The following L3MBTL1 variants were observed in gnomAD, a reference collection of about 807,000 sequenced individuals.
L3MBTL1 encodes the protein lethal(3)malignant brain tumor-like protein 1.
Under a neutral mutation model 105.3 loss-of-function variants are expected in L3MBTL1, and 75 were observed. The ratio of observed to expected loss-of-function variants is 0.71; its 90% CI spans 0.59 to 0.86. The LOEUF is 0.86. L3MBTL1 is among the 40% of genes least tolerant of loss of function. The pLI, the probability that L3MBTL1 is intolerant of heterozygous loss-of-function variation, is 0.00. For missense variants in L3MBTL1, 1,069 were observed against 1,126.4 expected, an observed-to-expected ratio of 0.95 and a Z score of 0.73; for synonymous variants, 452 against 436.2, an observed-to-expected ratio of 1.04 and a Z score of -0.45.
chr20:43,528,261 T>G (rs80304758), intron 7 of L3MBTL1, among the ~76,000 whole-genome samples: 2,566 of 152,334 alleles, frequency 0.017, 67 homozygotes, highest in African/African-American at 0.059. Context: ...TTTCTCTTTT[T>G]CCTCTCCTTT....
In L3MBTL1 at chr20:43,534,075, C is replaced by T; in HGVS notation, c.1581C>T (p.Pro527=). The part of the protein sequence containing the change: ...YLEETGASAV[P]TWAFKVRPPH... ...AAGAAACTGGGGCCTCTGCTGTCCC[C>T]ACCTGGGCCTTCAAGGTGGTGAGTC... Residue 527 remains proline (P), a synonymous_variant, in exon 14 of 22, where the codon CCC becomes CCT. Coordinates refer to ENST00000418998, the MANE Select transcript of L3MBTL1 (RefSeq NM_001377303.1). 6.2e-7 allele frequency: 1 copy of T among 1,613,968 alleles called. No homozygotes were observed. The highest frequency in any genetic ancestry group is 8.5e-7 in the Non-Finnish European group (1 of 1,179,850).
At chr20:43,515,482 TC>T (rs1276531378) in intron 6 of L3MBTL1, 67 bp downstream of exon 6, 1 of 1,510,940 alleles carries the variant, frequency 6.6e-7, no homozygotes, top group Non-Finnish European at 8.9e-7. Flanking sequence ...CACTGTCCCC[TC>T]CATCAATCCA....
chr20:43,519,885 G>T (rs2018617970), intron 7 of L3MBTL1, among the ~76,000 whole-genome samples: 1 of 152,110 alleles, frequency 6.6e-6, no homozygotes, highest in Admixed American at 6.6e-5. Flanking sequence ...AATGATTAGT[G>T]CTTTTTCCAT....
chr20:43,542,351 C>T (rs2019949907), downstream of L3MBTL1, among the ~76,000 whole-genome samples: 1 of 152,126 alleles, frequency 6.6e-6, no homozygotes, highest in Non-Finnish European at 1.5e-5. Context: ...TTTCCTTGCC[C>T]TCTGTGTTGG....
chr20:43,542,132 C>G (rs2019942961), downstream of L3MBTL1, among the ~76,000 whole-genome samples: 1 of 152,220 alleles, frequency 6.6e-6, no homozygotes, highest in African/African-American at 2.4e-5. Flanking sequence ...ATCACTTGAA[C>G]TTGGAAGGAG....
chr20:43,521,139 A>T (rs1334174521), intron 7 of L3MBTL1, among the ~76,000 whole-genome samples: 1 of 152,204 alleles, frequency 6.6e-6, no homozygotes, highest in East Asian at 1.9e-4. Flanking sequence ...AAAATGAACT[A>T]ATTATGAATT....
intron 18 of L3MBTL1, chr20:43,548,048 C>A: frequency 2.7e-6 from 3 of 1,102,990 alleles, no homozygotes; most frequent in Non-Finnish European, 3.7e-6. Flanking sequence ...CCCTTTCCTT[C>A]ACCCCTGCCC....
downstream of L3MBTL1, among the ~76,000 whole-genome samples, chr20:43,543,538 G>A (rs1315123696): frequency 1.3e-5 from 2 of 152,214 alleles, no homozygotes; most frequent in Admixed American, 1.3e-4. Context: ...GAGGTGTACT[G>A]GTAGACTGCC....
chr20:43,525,521 G>A (rs896670124), intron 7 of L3MBTL1, among the ~76,000 whole-genome samples: 14 of 152,134 alleles, frequency 9.2e-5, no homozygotes, highest in African/African-American at 3.1e-4. Context: ...CACACCCTTG[G>A]CTGGGTACCT....
chr20:43,538,754 G>C (rs1406447619), intron 19 of L3MBTL1, among the ~76,000 whole-genome samples: 4 of 152,206 alleles, frequency 2.6e-5, no homozygotes, highest in Admixed American at 2.6e-4. Context: ...TCTTCCCTGT[G>C]CTCTGGGGAA....
In L3MBTL1 at chr20:43,515,315, C is replaced by A. The variant is rs950235582; in HGVS notation, c.677C>A (p.Ser226Ter). The A allele has an allele frequency of 1.6e-5, 26 of 1,596,954 alleles. No individual in the cohort carries two copies. Among genetic ancestry groups the A allele is most frequent in the Non-Finnish European group, 2.0e-5 (24 of 1,170,880 alleles). ...AGGTCAGTCATAGTGGAGAACTCCT[C>A]AGGCTCTACCAGCGCTTCTGAGCTC... The part of the protein sequence containing the change: ...QERSVIVENS[S>*]GSTSASELLK... The change falls in exon 6 of 22, where the codon TCA (serine) becomes TAA (stop). Residue 226 changes from serine to a stop codon, truncating the protein, a stop_gained. Transcript: ENST00000418998. LOFTEE classifies it high-confidence loss of function.
intron 7 of L3MBTL1, 100 bp downstream of exon 7, chr20:43,516,277 A>G (rs1170915992): frequency 3.6e-6 from 3 of 829,166 alleles, no homozygotes; most frequent in East Asian, 5.3e-5. Context: ...GGTAGGTTGT[A>G]CATGCATAAA....
At chr20:43,515,234 AG>A in intron 5 of L3MBTL1, 57 bp from the exon 6 acceptor site, 1 of 1,613,156 alleles carries the variant, frequency 6.2e-7, no homozygotes, top group Admixed American at 1.7e-5. Context: ...AGGGGTTAGG[AG>A]AGGGGCTGGG....
intron 16 of L3MBTL1, 32 bp from the exon 17 acceptor site, chr20:43,535,805 C>T (rs753356684): frequency 4.8e-5 from 70 of 1,448,714 alleles, no homozygotes; most frequent in Non-Finnish European, 6.3e-5. Context: ...CCCCAGGACT[C>T]CATGAGGACC....
At chr20:43,529,430 G>T (rs2019211878) in intron 9 of L3MBTL1, 62 bp downstream of exon 9, 2 of 1,186,458 alleles carry the variant, frequency 1.7e-6, no homozygotes, top group East Asian at 4.9e-5. Flanking sequence ...GATGGATCTT[G>T]CTGGGGACAT....
At chr20:43,542,611 CAAAA>C (rs5841503), downstream of L3MBTL1, among the ~76,000 whole-genome samples, 25 of 112,658 alleles carry the variant, frequency 2.2e-4, no homozygotes, top group African/African-American at 5.7e-4. Context: ...AAAAATTTAA[CAAAA>C]AAAAAAAAAA....
intron 7 of L3MBTL1, among the ~76,000 whole-genome samples, chr20:43,519,930 A>G (rs1284072328): frequency 6.6e-6 from 1 of 152,186 alleles, no homozygotes; most frequent in Non-Finnish European, 1.5e-5. Context: ...TAATAGCTTT[A>G]CTGAGATACA....
chr20:43,536,008 A>G (rs915749000), intron 17 of L3MBTL1, 72 bp downstream of exon 17: 4 of 1,589,226 alleles, frequency 2.5e-6, no homozygotes, highest in Non-Finnish European at 3.4e-6. Context: ...ACTGGGGTCC[A>G]CCAAAACACA....
intron 3 of L3MBTL1, chr20:43,514,282 G>T (rs956050668): frequency 3.7e-6 from 3 of 801,186 alleles, no homozygotes; most frequent in Admixed American, 2.9e-5. Context: ...GGCACTCTGG[G>T]ACTGGGCCTG....
Sources: gnomAD v4.1 joint callset for allele counts (sites outside exome capture counted in the v4.1 genomes callset) on GRCh38, gnomAD v4.1.1 for gene constraint, MANE v1.5 for transcripts, NCBI Gene and HGNC (gene_info 2026-07-23, HGNC 2026-07-21) for gene names.